Variants in EIF2S2 observed in about 807,000 individuals in gnomAD.
The protein encoded by EIF2S2 is eukaryotic translation initiation factor 2 subunit 2.
EIF2S2 carries 4 observed loss-of-function variants against 44.0 expected under a neutral mutation model. The ratio of observed to expected loss-of-function variants is 0.09; its 90% CI spans 0.04 to 0.21. EIF2S2 has a LOEUF of 0.21. EIF2S2 is among the 10% of genes least tolerant of loss of function. EIF2S2 has a pLI of 1.00. For synonymous variants in EIF2S2, 108 were observed against 128.3 expected (o/e 0.84, Z 1.07); for missense variants, 154 against 392.0 (o/e 0.39, Z 5.13).
chr20:34,103,418 T>C (rs1359848953), intron 3 of EIF2S2, 44 bp downstream of exon 3: 1 of 1,503,082 alleles, frequency 6.7e-7, no homozygotes, highest in Admixed American at 2.1e-5. Context: ...ATTAGCAACC[T>C]TGCAAGAGGT....
chr20:34,104,474 C>T (rs6057981), intron 2 of EIF2S2, among the ~76,000 whole-genome samples: 16,034 of 152,196 alleles, frequency 0.11, 2,806 homozygotes, highest in African/African-American at 0.36. Context: ...TATCTCCCTA[C>T]TCAATACTAA....
At position 34,089,998 on chromosome 20, in the gene EIF2S2, A is replaced by G. The variant is rs553345431; in HGVS notation, c.827-93T>C. The G allele has an allele frequency of 2.4e-5, 34 of 1,396,622 alleles. No individual in the cohort carries two copies. In the South Asian group the frequency reaches 4.0e-4, roughly 16 times the overall value. The allele number at this position is 1,396,622 out of a possible 1,614,324, so 86.5% of individuals were successfully genotyped here. On this transcript the variant is annotated intron_variant, in intron 8 of 8. Transcript: ENST00000374980. ...AAATACATCTACAAAGAACTCCACA[A>G]GCCCAGGCTGAGAATTTAGCTGGGC...
intron 1 of EIF2S2, among the ~76,000 whole-genome samples, chr20:34,111,245 A>C (rs1036010913): frequency 1.1e-4 from 16 of 152,228 alleles, no homozygotes; most frequent in African/African-American, 3.9e-4. Context: ...CTTGTGATCA[A>C]GGCTTCCTAT....
chr20:34,106,336 A>G (rs1169556929), intron 1 of EIF2S2, among the ~76,000 whole-genome samples: 2 of 152,190 alleles, frequency 1.3e-5, no homozygotes, highest in African/African-American at 4.8e-5. Context: ...CTTCAAGGAA[A>G]TCCATCAGCA....
intron 1 of EIF2S2, among the ~76,000 whole-genome samples, chr20:34,110,870 G>A (rs971505889): frequency 1.3e-4 from 20 of 152,120 alleles, no homozygotes; most frequent in Admixed American, 6.6e-5. Context: ...GTCTATAACC[G>A]CCAAGGACCA....
rs578081836 is a variant in EIF2S2, at chr20:34,089,431, T to C, written c.*299A>G. 2.4e-4 allele frequency: 70 copies of C among 294,658 alleles called. No individual in the cohort carries two copies. The highest frequency in any genetic ancestry group is 3.7e-4 in the Non-Finnish European group (59 of 161,520). The allele number at this position is 294,658 out of a possible 1,614,324, so 18.3% of individuals were successfully genotyped here. On this transcript the variant is annotated 3_prime_UTR_variant, in exon 9 of 9. Transcript: ENST00000374980. ...AAAGAAAACTGAAGGACAAACCAAA[T>C]TGAAAGAATCACTGTTATAATAACT...
intron 6 of EIF2S2, among the ~76,000 whole-genome samples, chr20:34,094,652 TG>T (rs2034206396): frequency 6.6e-6 from 1 of 150,692 alleles, no homozygotes; most frequent in South Asian, 2.1e-4. Context: ...ACTAGAGGAG[TG>T]GTTAAATAAA....
intron 5 of EIF2S2, 70 bp downstream of exon 5, chr20:34,097,346 A>T (rs554870788): frequency 1.5e-6 from 2 of 1,327,462 alleles, no homozygotes; most frequent in African/African-American, 2.9e-5. Context: ...CGTTCCAATA[A>T]GATTTATCTT....
At chr20:34,101,262 T>C (rs2034291985) in intron 3 of EIF2S2, among the ~76,000 whole-genome samples, 1 of 152,082 alleles carries the variant, frequency 6.6e-6, no homozygotes. Flanking sequence ...CTGGCCAACA[T>C]GGTGAAACCC....
intron 1 of EIF2S2, among the ~76,000 whole-genome samples, chr20:34,109,677 C>T (rs971230709): frequency 2.6e-5 from 4 of 151,304 alleles, no homozygotes; most frequent in African/African-American, 9.7e-5. Flanking sequence ...AACAAAACAA[C>T]AAAAACAAAC....
At chr20:34,111,231 T>C (rs563800602) in intron 1 of EIF2S2, among the ~76,000 whole-genome samples, 5 of 152,224 alleles carry the variant, frequency 3.3e-5, no homozygotes, top group Non-Finnish European at 5.9e-5. Context: ...ACCATTCCTT[T>C]GCCCTTGTGA....
intron 4 of EIF2S2, 95 bp downstream of exon 4, chr20:34,098,403 A>C: frequency 6.9e-7 from 1 of 1,452,370 alleles, no homozygotes; most frequent in Admixed American, 2.1e-5. Context: ...AAGGGGCAAG[A>C]AAAAAATTTT....
chr20:34,100,858 A>G (rs2034287342), intron 3 of EIF2S2, among the ~76,000 whole-genome samples: 1 of 152,180 alleles, frequency 6.6e-6, no homozygotes, highest in Admixed American at 6.5e-5. Flanking sequence ...TAAAACCTAG[A>G]AATGAGTCAT....
chr20:34,103,686 T>A (rs988004734), intron 2 of EIF2S2, 121 bp from the exon 3 acceptor site: 1 of 1,279,644 alleles, frequency 7.8e-7, no homozygotes, highest in Non-Finnish European at 1.0e-6. Context: ...AATTAGTCCC[T>A]CCACAATCAC....
chr20:34,090,291 C>T (rs2034148414), intron 8 of EIF2S2, among the ~76,000 whole-genome samples: 1 of 152,252 alleles, frequency 6.6e-6, no homozygotes, highest in Non-Finnish European at 1.5e-5. Flanking sequence ...GCCCTACAAT[C>T]AACCAGCAGC....
At chr20:34,104,602 A>C (rs2034327786) in intron 2 of EIF2S2, among the ~76,000 whole-genome samples, 2 of 152,244 alleles carry the variant, frequency 1.3e-5, no homozygotes, top group Admixed American at 6.5e-5. Context: ...CTGTGCAGTA[A>C]ATACAAGTTA....
At chr20:34,110,773 TGAG>T (rs548877537) in intron 1 of EIF2S2, among the ~76,000 whole-genome samples, 115 of 152,338 alleles carry the variant, frequency 7.5e-4, no homozygotes, top group Non-Finnish European at 1.5e-3. Context: ...CCAAAGGTTA[TGAG>T]AAGTTTGAAA....
intron 6 of EIF2S2, among the ~76,000 whole-genome samples, chr20:34,095,865 A>C (rs913753123): frequency 6.6e-6 from 1 of 152,218 alleles, no homozygotes; most frequent in African/African-American, 2.4e-5. Context: ...ATTAAAGAAC[A>C]AAGAGTGGAT....
At chr20:34,091,764 T>G (rs1175086173) in intron 7 of EIF2S2, among the ~76,000 whole-genome samples, 4 of 71,438 alleles carry the variant, frequency 5.6e-5, no homozygotes, top group Non-Finnish European at 8.3e-5. Context: ...TATTTATATA[T>G]ATTTATTTTT....
Sources: allele counts gnomAD v4.1 joint callset (sites outside exome capture counted in the v4.1 genomes callset), GRCh38; gene constraint gnomAD v4.1.1; transcripts MANE v1.5; gene names NCBI Gene and HGNC (gene_info 2026-07-23, HGNC 2026-07-21).